Variants in VAV3 observed in about 807,000 individuals in gnomAD.
VAV3 encodes the protein vav guanine nucleotide exchange factor 3.
VAV3 carries 94 observed loss-of-function variants against 131.2 expected under a neutral mutation model. That is an observed-to-expected ratio of 0.72 (90% CI 0.61 to 0.85). VAV3 has a LOEUF of 0.85. Among genes scored for constraint, VAV3 ranks in the 40% least tolerant of loss-of-function variants. VAV3 has a pLI of 0.00. For missense variants in VAV3, 939 were observed against 1,002.7 expected, an observed-to-expected ratio of 0.94 and a Z score of 0.86; for synonymous variants, 349 against 342.0, an observed-to-expected ratio of 1.02 and a Z score of -0.22.
chr1:107,939,817 G>A (rs979023161), intron 1 of VAV3, among the ~76,000 whole-genome samples: 1 of 152,114 alleles, frequency 6.6e-6, no homozygotes, highest in Non-Finnish European at 1.5e-5. Flanking sequence ...TTACTAAACT[G>A]ACCATTGCTC....
rs1345654516 is a variant in VAV3, at chr1:107,768,492, T to C, written c.666A>G (p.Leu222=). Residue 222 remains leucine (L), a synonymous_variant, in exon 7 of 27, where the codon CTA becomes CTG. Transcript: ENST00000370056. ...ESIEKYFMAP[L]KRFLTAAEFD... ...ATTCTGCTGCTGTCAGAAATCTTTTTAGTGGTGCCATGAAATACTACCAGG... is the reference window on the plus strand; with the variant it reads ...ATTCTGCTGCTGTCAGAAATCTTTTCAGTGGTGCCATGAAATACTACCAGG... 6.2e-7 allele frequency: 1 copy of C among 1,612,586 alleles called. No homozygotes were observed. Among genetic ancestry groups the C allele is most frequent in the South Asian group, 1.1e-5 (1 of 90,850 alleles).
chr1:107,724,135 T>C (rs545650438), intron 15 of VAV3, among the ~76,000 whole-genome samples: 1 of 152,168 alleles, frequency 6.6e-6, no homozygotes, highest in East Asian at 1.9e-4. Context: ...GAAAATGGTA[T>C]CTCCAATCAT....
intron 19 of VAV3, among the ~76,000 whole-genome samples, chr1:107,667,501 A>G (rs1657494689): frequency 6.6e-6 from 1 of 152,186 alleles, no homozygotes; most frequent in Non-Finnish European, 1.5e-5. Flanking sequence ...AATGAGATGC[A>G]ATTTTTACAC....
chr1:107,888,318 T>C (rs890688682), intron 1 of VAV3, among the ~76,000 whole-genome samples: 1 of 152,200 alleles, frequency 6.6e-6, no homozygotes, highest in Non-Finnish European at 1.5e-5. Context: ...GTGTTTAAAC[T>C]GTAGCTCAGA....
Position 107,779,443 on chromosome 1 carries a change from G to C in VAV3, c.371C>G (p.Thr124Arg). 2 of 1,589,286 alleles carry C rather than the reference G, an allele frequency of 1.3e-6. No homozygotes were observed. Among genetic ancestry groups the C allele is most frequent in the Non-Finnish European group, 1.7e-6 (2 of 1,167,884 alleles). Residue 124 changes from threonine (T) to arginine (R), a missense_variant, in exon 3 of 27, where the codon ACA becomes AGA. Physicochemically the swap from Thr to Arg is moderately conservative, Grantham distance 71. Transcript: ENST00000370056. ...RLSRTPIALA[T>R]GIRPFPTEES... ...CGAAAACAGAGCTTACCTGATTCCT[G>C]TGGCCAATGCTATAGGTGTTCGAGA... is the stretch of plus-strand genomic sequence containing the variant.
chr1:107,789,713 A>C (rs1222371103), intron 2 of VAV3, among the ~76,000 whole-genome samples: 1 of 152,258 alleles, frequency 6.6e-6, no homozygotes, highest in African/African-American at 2.4e-5. Flanking sequence ...TTAATATTTT[A>C]AAAGCCATGT....
At position 107,813,967 on chromosome 1, in the gene VAV3, A is replaced by AGTGTGTGTGTGTGT. The variant is rs58318688; in HGVS notation, c.322-34489_322-34476dup. 3.7e-3 allele frequency among the ~76,000 whole-genome samples: 509 copies of AGTGTGTGTGTGTGT among 135,840 alleles called. 4 individuals carry two copies. Among genetic ancestry groups the AGTGTGTGTGTGTGT allele is most frequent in the African/African-American group, 6.6e-3 (236 of 35,608 alleles). The allele number at this position is 135,840 out of a possible 152,430, so 89.1% of individuals were successfully genotyped here. ...CTTTTGTATGGCTAAATAGTACTCC[A>AGTGTGTGTGTGTGT]GTGTGTGTGTGTGTGTGTGTGTGTG... On this transcript the variant is annotated intron_variant, in intron 2 of 26. Transcript: ENST00000370056.
chr1:107,913,940 A>G (rs1453523632), intron 1 of VAV3, among the ~76,000 whole-genome samples: 1 of 152,130 alleles, frequency 6.6e-6, no homozygotes, highest in Non-Finnish European at 1.5e-5. Context: ...GATTACAGGC[A>G]CCTGCCACCA....
intron 2 of VAV3, among the ~76,000 whole-genome samples, chr1:107,804,185 A>G (rs992403253): frequency 2.0e-5 from 3 of 151,944 alleles, no homozygotes; most frequent in African/African-American, 7.3e-5. Context: ...TTGTTTCTTT[A>G]TGTATTCATC....
At chr1:107,915,846 G>A (rs1240926828) in intron 1 of VAV3, among the ~76,000 whole-genome samples, 1 of 152,124 alleles carries the variant, frequency 6.6e-6, no homozygotes, top group Non-Finnish European at 1.5e-5. Flanking sequence ...CCGGGCAATT[G>A]AGTTGTGAAG....
intron 22 of VAV3, among the ~76,000 whole-genome samples, chr1:107,606,998 G>A (rs1430433237): frequency 1.0e-4 from 15 of 149,014 alleles, no homozygotes; most frequent in Admixed American, 4.0e-4. Context: ...ACTGTCACCC[G>A]GGCTGGTGTG....
At chr1:107,907,610 G>A (rs1266864406) in intron 1 of VAV3, among the ~76,000 whole-genome samples, 1 of 152,098 alleles carries the variant, frequency 6.6e-6, no homozygotes, top group Non-Finnish European at 1.5e-5. Flanking sequence ...TACCACGACA[G>A]TAGTTGTCAT....
chr1:107,760,740 G>A lies in VAV3; in HGVS notation c.1017+44C>T, dbSNP rs149106428. 211 of 1,446,546 alleles carry A rather than the reference G, an allele frequency of 1.5e-4. No homozygotes were observed. In the East Asian group the frequency reaches 4.6e-3, roughly 32 times the overall value. The allele number at this position is 1,446,546 out of a possible 1,614,324, so 89.6% of individuals were successfully genotyped here. ...GTTGATGCTTCATTAATATTTTGTT[G>A]AGTGAATAAATGGACAATAAATAAA... is the stretch of plus-strand genomic sequence containing the variant. On this transcript the variant is annotated intron_variant, in intron 10 of 26. Coordinates refer to ENST00000370056, the MANE Select transcript of VAV3 (RefSeq NM_006113.5).
chr1:107,701,659 C>A (rs9730467), intron 17 of VAV3, among the ~76,000 whole-genome samples: 87,395 of 151,912 alleles, frequency 0.58, 26,591 homozygotes, highest in South Asian at 0.68. Flanking sequence ...AATTCTCCAA[C>A]CTTTTATGCT....
At chr1:107,872,647 T>C (rs1388316047) in intron 2 of VAV3, among the ~76,000 whole-genome samples, 3 of 152,152 alleles carry the variant, frequency 2.0e-5, no homozygotes, top group Non-Finnish European at 4.4e-5. Flanking sequence ...AGTATCCACA[T>C]GTTGGGATTG....
At chr1:107,878,251 C>A (rs1003187395) in intron 1 of VAV3, among the ~76,000 whole-genome samples, 12 of 152,128 alleles carry the variant, frequency 7.9e-5, no homozygotes, top group African/African-American at 2.9e-4. Context: ...GGAATAAGGA[C>A]ATTTTTCCTA....
At chr1:107,781,870 A>C (rs1254995427) in intron 2 of VAV3, among the ~76,000 whole-genome samples, 1 of 152,228 alleles carries the variant, frequency 6.6e-6, no homozygotes, top group East Asian at 1.9e-4. Flanking sequence ...TCAGAAGATC[A>C]AGAATGAACA....
At chr1:107,683,142 G>A (rs935236413) in intron 19 of VAV3, among the ~76,000 whole-genome samples, 2 of 152,178 alleles carry the variant, frequency 1.3e-5, no homozygotes, top group Non-Finnish European at 2.9e-5. Flanking sequence ...TTAGAAAACA[G>A]TGATTTTTAA....
At chr1:107,655,186 A>G (rs6673104) in intron 19 of VAV3, among the ~76,000 whole-genome samples, 1 of 151,896 alleles carries the variant, frequency 6.6e-6, no homozygotes, top group Admixed American at 6.6e-5. Context: ...GACAAATGGA[A>G]TAAAGCTGGA....
Sources: allele counts gnomAD v4.1 joint callset (sites outside exome capture counted in the v4.1 genomes callset), GRCh38; gene constraint gnomAD v4.1.1; transcripts MANE v1.5; gene names NCBI Gene and HGNC (gene_info 2026-07-23, HGNC 2026-07-21).